SRBD1: variants seen among roughly 807,000 people sequenced by gnomAD.
The protein encoded by SRBD1 is S1 RNA-binding domain-containing protein 1.
In SRBD1, 88 loss-of-function variants were observed where a neutral mutation model predicts 115.3. That is an observed-to-expected ratio of 0.76 (90% CI 0.64 to 0.91). SRBD1 has a LOEUF of 0.91. Among genes scored for constraint, SRBD1 ranks in the 40% least tolerant of loss-of-function variants. The pLI is 0.00. For synonymous variants in SRBD1, 509 were observed against 407.7 expected (o/e 1.25, Z -2.99); for missense variants, 1,385 against 1,177.4 (o/e 1.18, Z -2.58).
At chr2:45,418,984 G>C (rs898274948) in intron 17 of SRBD1, among the ~76,000 whole-genome samples, 4 of 152,058 alleles carry the variant, frequency 2.6e-5, no homozygotes, top group Non-Finnish European at 4.4e-5. Flanking sequence ...CAGTAATATA[G>C]AGCTGAACTA....
At position 45,389,457 on chromosome 2, in the gene SRBD1, G is replaced by A. The variant is rs1666938003; in HGVS notation, c.2841C>T (p.Pro947=). ...DIGVGKSGLI[P]IRNVTEAKLS... ...GTTTTGCTTCTGTTACATTTCGTAT[G>A]GGAATCAGCCCAGATTTCCCCACTC... is the stretch of plus-strand genomic sequence containing the variant. The change falls in exon 21 of 21, where the codon CCC becomes CCT. Residue 947 remains proline, a synonymous_variant. Transcript: ENST00000263736. 1 of 1,614,034 alleles carries A rather than the reference G, an allele frequency of 6.2e-7. No individual in the cohort carries two copies. The highest frequency in any genetic ancestry group is 1.7e-5 in the Admixed American group (1 of 59,992).
At chr2:45,557,715 T>G (rs1672527104) in intron 10 of SRBD1, among the ~76,000 whole-genome samples, 1 of 152,238 alleles carries the variant, frequency 6.6e-6, no homozygotes, top group Non-Finnish European at 1.5e-5. Flanking sequence ...CTAAGGAACC[T>G]GAAATAGTAT....
At chr2:45,432,134 G>C (rs1205706604) in intron 16 of SRBD1, among the ~76,000 whole-genome samples, 1 of 151,874 alleles carries the variant, frequency 6.6e-6, no homozygotes, top group Non-Finnish European at 1.5e-5. Context: ...GGTTCAAGTG[G>C]TTCTCCCGCC....
intron 14 of SRBD1, among the ~76,000 whole-genome samples, chr2:45,535,793 G>A (rs570727586): frequency 3.1e-4 from 47 of 152,100 alleles, no homozygotes; most frequent in Admixed American, 1.4e-3. Context: ...CACTGATTAG[G>A]ATTATGATAT....
chr2:45,610,303 G>C (rs1367928604), intron 1 of SRBD1, among the ~76,000 whole-genome samples: 1 of 152,158 alleles, frequency 6.6e-6, no homozygotes, highest in Admixed American at 6.5e-5. Flanking sequence ...ATTCAAGAAG[G>C]CAAACAAAGG....
chr2:45,600,634 G>T (rs371882463), intron 3 of SRBD1, among the ~76,000 whole-genome samples: 1 of 152,134 alleles, frequency 6.6e-6, no homozygotes, highest in South Asian at 2.1e-4. Context: ...CAGGTGTCTA[G>T]GGACTACACT....
At chr2:45,419,976 G>T in intron 16 of SRBD1, 82 bp from the exon 17 acceptor site, 1 of 1,230,728 alleles carries the variant, frequency 8.1e-7, no homozygotes, top group Non-Finnish European at 1.2e-6. Flanking sequence ...TATTACTGGT[G>T]GTTAGCTAAC....
intron 16 of SRBD1, among the ~76,000 whole-genome samples, chr2:45,466,268 G>A (rs370139610): frequency 1.1e-4 from 17 of 152,110 alleles, no homozygotes; most frequent in Middle Eastern, 3.4e-3. Context: ...ATCTCTTGCC[G>A]GGCACCTACT....
intron 6 of SRBD1, 26 bp from the exon 7 acceptor site, chr2:45,580,039 T>G (rs769652747): frequency 7.8e-5 from 114 of 1,452,696 alleles, no homozygotes; most frequent in Non-Finnish European, 1.0e-4. Flanking sequence ...AGAAAACATA[T>G]GATTATGTTT....
At chr2:45,460,825 C>T (rs867463045) in intron 16 of SRBD1, among the ~76,000 whole-genome samples, 2 of 152,126 alleles carry the variant, frequency 1.3e-5, no homozygotes, top group Non-Finnish European at 2.9e-5. Context: ...GAGGCCCAAC[C>T]AATGCCATTA....
intron 10 of SRBD1, among the ~76,000 whole-genome samples, chr2:45,557,003 T>A (rs568453238): frequency 6.6e-6 from 1 of 152,144 alleles, no homozygotes; most frequent in Non-Finnish European, 1.5e-5. Flanking sequence ...TGAGATAGGT[T>A]TTTTTAATGA....
chr2:45,451,741 T>C (rs1160681197), intron 16 of SRBD1, among the ~76,000 whole-genome samples: 2 of 151,786 alleles, frequency 1.3e-5, no homozygotes, highest in Non-Finnish European at 2.9e-5. Context: ...TTCCATTTGC[T>C]GGCAGCAACG....
chr2:45,521,592 T>C (rs1005532308), intron 14 of SRBD1, among the ~76,000 whole-genome samples: 6 of 152,154 alleles, frequency 3.9e-5, no homozygotes, highest in Admixed American at 3.9e-4. Flanking sequence ...TAACTCAAGA[T>C]TTGATAGTTC....
rs145743256 is a variant in SRBD1, at chr2:45,545,097, G to A, written c.1874+1635C>T. ...AGATCAAGATCATCCTGGCTAACAC[G>A]GTGAAACTCCATCTCTACTAAAAAT... On this transcript the variant is annotated intron_variant, in intron 14 of 20. Coordinates refer to ENST00000263736, the MANE Select transcript of SRBD1 (RefSeq NM_018079.5). 1.6e-3 allele frequency among the ~76,000 whole-genome samples: 247 copies of A among 151,764 alleles called. 1 individual carries two copies. The highest frequency in any genetic ancestry group is 1.9e-3 in the Non-Finnish European group (130 of 67,934).
intron 1 of SRBD1, among the ~76,000 whole-genome samples, chr2:45,606,714 G>T (rs1368781951): frequency 6.6e-6 from 1 of 152,144 alleles, no homozygotes; most frequent in Non-Finnish European, 1.5e-5. Context: ...ATACGGGAAA[G>T]TAAATAAAAT....
At chr2:45,492,684 C>T (rs1459106049) in intron 14 of SRBD1, among the ~76,000 whole-genome samples, 1 of 152,200 alleles carries the variant, frequency 6.6e-6, no homozygotes, top group Admixed American at 6.5e-5. Flanking sequence ...CGTGATCCGC[C>T]TGCCTCGGCC....
intron 16 of SRBD1, among the ~76,000 whole-genome samples, chr2:45,427,165 T>TAATAAAACAGACTTTA: frequency 6.6e-6 from 1 of 152,088 alleles, no homozygotes; most frequent in Non-Finnish European, 1.5e-5. Context: ...TCCTAGTCTC[T>TAATAAAACAGACTTTA]AACCAGTTTA....
intron 16 of SRBD1, among the ~76,000 whole-genome samples, chr2:45,460,241 C>A (rs757459536): frequency 1.5e-4 from 23 of 152,134 alleles, no homozygotes; most frequent in Non-Finnish European, 2.9e-4. Flanking sequence ...AATGCTAATT[C>A]TGGTAGCATG....
Position 45,413,263 on chromosome 2 carries a change from T to A in SRBD1, c.2364A>T (p.Gln788His), listed in dbSNP as rs750478234. 6.2e-7 allele frequency: 1 copy of A among 1,613,780 alleles called. No homozygotes were observed. The highest frequency in any genetic ancestry group is 8.5e-7 in the Non-Finnish European group (1 of 1,179,908). The change falls in exon 19 of 21, where the codon CAA (glutamine) becomes CAT (histidine). Residue 788 changes from glutamine to histidine, a missense_variant. By Grantham distance (24) the Gln-to-His change is conservative. Transcript: ENST00000263736. ...CTGCTGAAGATGTCACAGCAACTCCTTGAATTTGGCCTGAAGTTTCAGTTT... is the reference window on the plus strand; with the variant it reads ...CTGCTGAAGATGTCACAGCAACTCCATGAATTTGGCCTGAAGTTTCAGTTT... Reference protein sequence around the residue: ...SQQTETSGQIQGVAVTSSADV... With the variant: ...SQQTETSGQIHGVAVTSSADV...
Sources: gnomAD v4.1 joint callset for allele counts (sites outside exome capture counted in the v4.1 genomes callset) on GRCh38, gnomAD v4.1.1 for gene constraint, MANE v1.5 for transcripts, NCBI Gene and HGNC (gene_info 2026-07-23, HGNC 2026-07-21) for gene names.